Variants in TENM3 observed in about 807,000 individuals in gnomAD.
TENM3 encodes the protein teneurin transmembrane protein 3, also known as teneurin-3.
In TENM3, 63 loss-of-function variants were observed where a neutral mutation model predicts 255.1. The ratio of observed to expected loss-of-function variants is 0.25; its 90% CI spans 0.20 to 0.30. The LOEUF (loss-of-function observed/expected upper bound fraction) is 0.30. Ranked by LOEUF, TENM3 falls within the 10% of genes least tolerant of loss-of-function variation. TENM3 has a pLI of 1.00. For synonymous variants in TENM3, 1,306 were observed against 1,322.3 expected (o/e 0.99, Z 0.27); for missense variants, 2,929 against 3,461.1 (o/e 0.85, Z 3.86).
the TENM3 span, among the ~76,000 whole-genome samples, chr4:181,853,793 C>T: frequency 1.3e-5 from 2 of 152,196 alleles, no homozygotes; most frequent in Non-Finnish European, 2.9e-5. Context: ...GGTGCTTTGG[C>T]AGATTGCTCT....
intron 2 of TENM3, among the ~76,000 whole-genome samples, chr4:182,326,163 G>A (rs1319437488): frequency 1.3e-5 from 2 of 152,088 alleles, no homozygotes; most frequent in South Asian, 2.1e-4. Context: ...CGCGCAGTGT[G>A]TGATGGTGCC....
the TENM3 span, among the ~76,000 whole-genome samples, chr4:181,644,441 A>C: frequency 1.3e-5 from 2 of 151,940 alleles, no homozygotes; most frequent in African/African-American, 2.4e-5. Context: ...TTAAAAAAAA[A>C]AAAATACTAT....
intron 5 of TENM3, among the ~76,000 whole-genome samples, chr4:182,636,592 CT>C (rs1751859911): frequency 6.6e-6 from 1 of 152,008 alleles, no homozygotes; most frequent in African/African-American, 2.4e-5. Context: ...TGGCACGCAC[CT>C]GTAGTCCCAG....
At chr4:181,758,921 G>C in the TENM3 span, among the ~76,000 whole-genome samples, 1 of 152,040 alleles carries the variant, frequency 6.6e-6, no homozygotes, top group African/African-American at 2.4e-5. Context: ...CTATTTTAGG[G>C]AACACATTTA....
chr4:181,815,577 A>G, the TENM3 span, among the ~76,000 whole-genome samples: 1 of 152,070 alleles, frequency 6.6e-6, no homozygotes, highest in South Asian at 2.1e-4. Context: ...TTAGAAAAAT[A>G]TAGAGGTTAA....
In TENM3 at chr4:182,391,952, C is replaced by T. The variant is rs1382750312; in HGVS notation, c.511+45023C>T. Among the ~76,000 whole-genome samples, 3 of 151,994 alleles carry T rather than the reference C, an allele frequency of 2.0e-5. No individual in the cohort carries two copies. The East Asian group carries it at 5.8e-4, about 29-fold the overall frequency. On this transcript the variant is annotated intron_variant, in intron 3 of 27. Coordinates refer to ENST00000511685, the MANE Select transcript of TENM3 (RefSeq NM_001080477.4). ...AAAGCAGTTTCAGGCATAGGCTGAACAAATTGCTCAAATGTTTTGTTCCTT... is the reference window on the plus strand; with the variant it reads ...AAAGCAGTTTCAGGCATAGGCTGAATAAATTGCTCAAATGTTTTGTTCCTT...
intron 18 of TENM3, among the ~76,000 whole-genome samples, chr4:182,738,873 C>T (rs1453936466): frequency 9.3e-6 from 1 of 107,086 alleles, no homozygotes; most frequent in Non-Finnish European, 2.1e-5. Flanking sequence ...TAGAGTGTCT[C>T]ATTCTACAGT....
the TENM3 span, among the ~76,000 whole-genome samples, chr4:181,464,021 A>G: frequency 6.6e-6 from 1 of 152,184 alleles, no homozygotes; most frequent in African/African-American, 2.4e-5. Flanking sequence ...CACTGAATGA[A>G]TATACCACAT....
intron 6 of TENM3, among the ~76,000 whole-genome samples, chr4:182,662,819 G>A (rs184918298): frequency 1.8e-4 from 27 of 152,298 alleles, no homozygotes; most frequent in Non-Finnish European, 2.5e-4. Context: ...ACTTCCAGGT[G>A]TGTTTACCAT....
chr4:181,545,315 G>A, the TENM3 span, among the ~76,000 whole-genome samples: 1 of 152,234 alleles, frequency 6.6e-6, no homozygotes, highest in Admixed American at 6.5e-5. Flanking sequence ...GCCTAATGAA[G>A]TGTCCCATTT....
the TENM3 span, among the ~76,000 whole-genome samples, chr4:181,888,532 A>ATATATATATATATG: frequency 6.1e-4 from 48 of 78,714 alleles, no homozygotes; most frequent in African/African-American, 1.2e-3. Context: ...ATATACATAT[A>ATATATATATATATG]TGTGTATATA....
the TENM3 span, among the ~76,000 whole-genome samples, chr4:182,107,424 G>A: frequency 2.0e-5 from 3 of 152,202 alleles, no homozygotes; most frequent in South Asian, 4.1e-4. Flanking sequence ...GTTTCTGGGG[G>A]TTTCTAGCCT....
the TENM3 span, among the ~76,000 whole-genome samples, chr4:182,025,307 C>A: frequency 0.032 from 4,894 of 152,162 alleles, 124 homozygotes; most frequent in Middle Eastern, 0.065. Flanking sequence ...TGATTACAGG[C>A]GTGAGCCACC....
chr4:182,745,752 G>A (rs142755022), intron 19 of TENM3, among the ~76,000 whole-genome samples: 3 of 151,092 alleles, frequency 2.0e-5, no homozygotes, highest in African/African-American at 7.3e-5. Flanking sequence ...CCCTGGGTAT[G>A]CAAAAAGCAA....
At chr4:181,800,557 C>T in the TENM3 span, among the ~76,000 whole-genome samples, 5 of 152,184 alleles carry the variant, frequency 3.3e-5, no homozygotes, top group African/African-American at 7.2e-5. Context: ...TGCTTGAACC[C>T]GGGAGGTGGA....
chr4:182,673,266 T>G, intron 7 of TENM3, 47 bp downstream of exon 7: 1 of 1,316,014 alleles, frequency 7.6e-7, no homozygotes, highest in Non-Finnish European at 1.1e-6. Context: ...GCCAGTTGCA[T>G]TTTTTGAAAT....
chr4:182,161,082 C>T (rs1431512875), intron 1 of TENM3, among the ~76,000 whole-genome samples: 1 of 151,820 alleles, frequency 6.6e-6, no homozygotes, highest in East Asian at 2.0e-4. Flanking sequence ...AGTTGGAGAC[C>T]AGCCTGGCCA....
chr4:181,779,260 G>GTTATTTAT, the TENM3 span, among the ~76,000 whole-genome samples: 1,829 of 141,244 alleles, frequency 0.013, 19 homozygotes, highest in Middle Eastern at 0.034. Flanking sequence ...TTTACTTTAA[G>GTTATTTAT]TTATTTATTT....
At chr4:182,260,795 T>A (rs2150158326) in intron 1 of TENM3, among the ~76,000 whole-genome samples, 1 of 152,240 alleles carries the variant, frequency 6.6e-6, no homozygotes, top group East Asian at 1.9e-4. Flanking sequence ...CTATGAAAAA[T>A]CATCAGTTAG....
Sources: allele counts gnomAD v4.1 joint callset (sites outside exome capture counted in the v4.1 genomes callset), GRCh38; gene constraint gnomAD v4.1.1; transcripts MANE v1.5; gene names NCBI Gene and HGNC (gene_info 2026-07-23, HGNC 2026-07-21).